Variants in MYO1C observed in about 807,000 individuals in gnomAD.
The protein encoded by MYO1C is myosin IC, also known as unconventional myosin-Ic.
A neutral mutation model predicts 150.8 loss-of-function variants in MYO1C; 104 were observed. The ratio of observed to expected loss-of-function variants is 0.69; its 90% CI spans 0.59 to 0.81. The LOEUF (loss-of-function observed/expected upper bound fraction) is 0.81. Among genes scored for constraint, MYO1C ranks in the 30% least tolerant of loss-of-function variants. The pLI is 0.00. For synonymous variants in MYO1C, 663 were observed against 579.9 expected (o/e 1.14, Z -2.06); for missense variants, 1,504 against 1,435.0 (o/e 1.05, Z -0.78).
At position 1,471,934 on chromosome 17, in the gene MYO1C, C is replaced by A; in HGVS notation, c.1994G>T (p.Arg665Leu). 6 of 1,614,104 alleles carry A rather than the reference C, an allele frequency of 3.7e-6. No homozygotes were observed. The highest frequency in any genetic ancestry group is 5.1e-6 in the Non-Finnish European group (6 of 1,180,014). ...LRVRRAGFAYRRKYEAFLQRY... is the reference protein window; with the variant it reads ...LRVRRAGFAYLRKYEAFLQRY... ...TTGCAGGAAAGCTTCGTATTTGCGG[C>A]GATAGGCAAAGCCGGCTCTGCGCAC... Residue 665 changes from arginine (R) to leucine (L), a missense_variant, in exon 19 of 32, where the codon CGC becomes CTC. Arg to Leu is a moderately radical substitution (Grantham distance 102). Transcript: ENST00000648651.
chr17:1,492,022 CCTT>C (rs2074741258), intron 1 of MYO1C: 1 of 272,524 alleles, frequency 3.7e-6, no homozygotes, highest in Non-Finnish European at 7.3e-6. Context: ...CCCACACCGT[CCTT>C]CTGTTCTGAG....
At chr17:1,486,377 C>A (rs955617001) in intron 1 of MYO1C, among the ~76,000 whole-genome samples, 10 of 152,176 alleles carry the variant, frequency 6.6e-5, no homozygotes, top group Non-Finnish European at 1.5e-4. Context: ...GCGCGGAGTA[C>A]CCGGCCCCTC....
Position 1,478,663 on chromosome 17 carries a change from T to A in MYO1C, c.1165A>T (p.Thr389Ser), listed in dbSNP as rs756225512. 3.7e-6 allele frequency: 6 copies of A among 1,614,088 alleles called. No individual in the cohort carries two copies. The highest frequency in any genetic ancestry group is 5.1e-6 in the Non-Finnish European group (6 of 1,180,026). Reference protein sequence around the residue: ...DALAKAVYSRTFTWLVGKINR... With the variant: ...DALAKAVYSRSFTWLVGKINR... Reference sequence around the variant, plus strand: ...ATCTTCCCGACGAGCCAGGTAAAAGTGCGGCTGTACACAGCCTTGGCGAGG... The same window carrying A: ...ATCTTCCCGACGAGCCAGGTAAAAGAGCGGCTGTACACAGCCTTGGCGAGG... The change falls in exon 10 of 32, where the codon ACT becomes TCT. Residue 389 changes from threonine (T) to serine (S), a missense_variant. Coordinates refer to ENST00000648651, the MANE Select transcript of MYO1C (RefSeq NM_001080779.2). This position sits in a 1 kb window ranked among gnomAD's most constrained non-coding sequence, Gnocchi z 6.3.
chr17:1,467,951 C>G (rs1263542608), intron 28 of MYO1C, 37 bp downstream of exon 28: 1 of 1,612,790 alleles, frequency 6.2e-7, no homozygotes, highest in Non-Finnish European at 8.5e-7. Context: ...AGGGTCAGAG[C>G]AGGGCCCTCC....
Position 1,474,848 on chromosome 17 carries a change from G to C in MYO1C, c.1680C>G (p.Asp560Glu). The C allele has an allele frequency of 6.3e-7, 1 of 1,599,724 alleles. No individual in the cohort carries two copies. Among genetic ancestry groups the C allele is most frequent in the Non-Finnish European group, 8.5e-7 (1 of 1,171,784 alleles). The change falls in exon 16 of 32, where the codon GAC (aspartate) becomes GAG (glutamate). Residue 560 changes from aspartate to glutamate, a missense_variant. Asp to Glu is a conservative substitution (Grantham distance 45, BLOSUM62 2). Coordinates refer to ENST00000648651, the MANE Select transcript of MYO1C (RefSeq NM_001080779.2). ...TCCGGAAGAGAAGGTCATTGTTTTT[G>C]TCCAGAAACCCTGGGAGGGGAGAAC... ...EVTYSVTGFL[D>E]KNNDLLFRNL...
At chr17:1,469,112 T>TAGACTAGGGTAAATAGAGC in intron 25 of MYO1C, 1 of 318,824 alleles carries the variant, frequency 3.1e-6, no homozygotes, top group South Asian at 2.7e-5. Context: ...GTAAATACGG[T>TAGACTAGGGTAAATAGAGC]AGACTAGGGT....
chr17:1,483,911 G>A (rs111993019), intron 2 of MYO1C, among the ~76,000 whole-genome samples, 186 bp from the exon 3 acceptor site: 306 of 152,084 alleles, frequency 2.0e-3, no homozygotes, highest in Middle Eastern at 0.014. Flanking sequence ...GCGTGGTGGC[G>A]GGTGCCTGTA....
Position 1,465,607 on chromosome 17 carries a change from A to T in MYO1C, c.*119T>A. On this transcript the variant is annotated 3_prime_UTR_variant, in exon 32 of 32. Transcript: ENST00000648651. The stretch of plus-strand genomic sequence containing the variant: ...GGATGGGCAGGAGGTGGGAGATTGC[A>T]GGTGGGCTTCGGGGTGTCCCTGGGT... 9.5e-7 allele frequency: 1 copy of T among 1,053,784 alleles called. No individual in the cohort carries two copies. Among genetic ancestry groups the T allele is most frequent in the Non-Finnish European group, 1.3e-6 (1 of 782,480 alleles). 65.3% of individuals were successfully genotyped at this position (1,053,784 alleles called of 1,614,324 possible).
In MYO1C at chr17:1,474,937, C is replaced by CCGGTCA. The variant is rs768925345; in HGVS notation, c.1664_1669dup (p.Val555_Thr556dup). 3.7e-6 allele frequency: 6 copies of CCGGTCA among 1,601,396 alleles called. No homozygotes were observed. Among genetic ancestry groups the CCGGTCA allele is most frequent in the South Asian group, 3.3e-5 (3 of 89,700 alleles). On this transcript the variant is annotated inframe_insertion and splice_region_variant. Coordinates refer to ENST00000648651, the MANE Select transcript of MYO1C (RefSeq NM_001080779.2). ...TGGGGACACAGCCCCAGGATCCTCACCGGTCACGCTGTAGGTCACCTCCCC... is the reference window on the plus strand; with the variant it reads ...TGGGGACACAGCCCCAGGATCCTCACCGGTCACGGTCACGCTGTAGGTCACCTCCCC...
chr17:1,474,154 T>C (rs1335488665), intron 17 of MYO1C, among the ~76,000 whole-genome samples: 1 of 151,414 alleles, frequency 6.6e-6, no homozygotes, highest in Non-Finnish European at 1.5e-5. Flanking sequence ...GGGACAGGCG[T>C]GGTGGCTCAC....
At position 1,468,067 on chromosome 17, in the gene MYO1C, C is replaced by T. The variant is rs137985633; in HGVS notation, c.2817G>A (p.Gln939=). 322 of 1,613,358 alleles carry T rather than the reference C, an allele frequency of 2.0e-4. No individual in the cohort carries two copies. The highest frequency in any genetic ancestry group is 2.6e-4 in the Non-Finnish European group (304 of 1,179,978). ...DRKGYKPRSR[Q]LLLTPNAVVI... ...CGACGGCGTTGGGCGTGAGCAGCAG[C>T]TGCCGGGAGCGAGGCTTGTAGCCCT... Residue 939 remains glutamine (Q), a synonymous_variant, in exon 28 of 32, where the codon CAG becomes CAA. Coordinates refer to ENST00000648651, the MANE Select transcript of MYO1C (RefSeq NM_001080779.2).
chr17:1,485,500 C>A, intron 1 of MYO1C: 1 of 581,814 alleles, frequency 1.7e-6, no homozygotes, highest in Middle Eastern at 6.8e-4. Flanking sequence ...CCCGGCGGCT[C>A]CTCATCCGGC....
At chr17:1,480,989 A>C in intron 5 of MYO1C, 104 bp from the exon 6 acceptor site, 6 of 1,295,954 alleles carry the variant, frequency 4.6e-6, no homozygotes, top group Non-Finnish European at 5.4e-6. Context: ...CCAGACCTGG[A>C]TGCCAATTCC....
rs748880683 is a variant in MYO1C, at chr17:1,474,964, G to C, written c.1643C>G (p.Ala548Gly). Reference protein sequence around the residue: ...GRGEFRLLHYAGEVTYSVTGF... With the variant: ...GRGEFRLLHYGGEVTYSVTGF... ...GGTCACGCTGTAGGTCACCTCCCCC[G>C]CATAGTGCAGAAGGCGGAATTCCCC... The change falls in exon 15 of 32, where the codon GCG becomes GGG. Residue 548 changes from alanine to glycine, a missense_variant. By Grantham distance (60) the Ala-to-Gly change is moderately conservative. Coordinates refer to ENST00000648651, the MANE Select transcript of MYO1C (RefSeq NM_001080779.2). 1 of 1,576,000 alleles carries C rather than the reference G, an allele frequency of 6.3e-7. No homozygotes were observed. The highest frequency in any genetic ancestry group is 8.6e-7 in the Non-Finnish European group (1 of 1,160,144).
chr17:1,478,241 C>T lies in MYO1C; in HGVS notation c.1296-49G>A. ...CAGTGGCTCAGTGGGGACACAGGAC[C>T]AGGAGAGGGGAAAAGCTGGACGACG... On this transcript the variant is annotated intron_variant, in intron 11 of 31. Transcript: ENST00000648651. The surrounding 1 kb of genome is among the most constrained non-coding windows in gnomAD (Gnocchi z 6.3). The T allele has an allele frequency of 1.9e-6, 3 of 1,588,576 alleles. No individual in the cohort carries two copies. Among genetic ancestry groups the T allele is most frequent in the Non-Finnish European group, 2.6e-6 (3 of 1,158,174 alleles).
chr17:1,479,800 G>C lies in MYO1C; in HGVS notation c.907-95C>G. 4 of 834,148 alleles carry C rather than the reference G, an allele frequency of 4.8e-6. No individual in the cohort carries two copies. The highest frequency in any genetic ancestry group is 3.0e-4 in the Middle Eastern group (1 of 3,382). The allele number at this position is 834,148 out of a possible 1,614,324, so 51.7% of individuals were successfully genotyped here. ...TGGCCATGCAGGGGTGGGTGGTGAAGTGTCGGAGAGAAGGGGCTGGAAGTG... is the reference window on the plus strand; with the variant it reads ...TGGCCATGCAGGGGTGGGTGGTGAACTGTCGGAGAGAAGGGGCTGGAAGTG... On this transcript the variant is annotated intron_variant, in intron 7 of 31. Coordinates refer to ENST00000648651, the MANE Select transcript of MYO1C (RefSeq NM_001080779.2). The surrounding 1 kb of genome is among the most constrained non-coding windows in gnomAD (Gnocchi z 4.2).
chr17:1,483,060 C>A lies in MYO1C; in HGVS notation c.348-1G>T. 1.2e-6 allele frequency: 2 copies of A among 1,600,884 alleles called. No individual in the cohort carries two copies. The highest frequency in any genetic ancestry group is 1.1e-5 in the South Asian group (1 of 89,352). Reference sequence around the variant, plus strand: ...GTACACAGTGTCCGCCACGGCAAACCTGGGGCGGAGGCTCGTCAGGGAGTT... The same window carrying A: ...GTACACAGTGTCCGCCACGGCAAACATGGGGCGGAGGCTCGTCAGGGAGTT... On this transcript the variant is annotated splice_acceptor_variant, in intron 3 of 31. Transcript: ENST00000648651. LOFTEE classifies it high-confidence loss of function.
At chr17:1,472,318 C>T (rs1488548741) in intron 17 of MYO1C, 90 bp from the exon 18 acceptor site, 11 of 1,116,294 alleles carry the variant, frequency 9.9e-6, no homozygotes, top group African/African-American at 4.6e-5. Context: ...TGGCTGGTGA[C>T]GCGCGCAGCA....
Position 1,483,904 on chromosome 17 carries a change from T to C in MYO1C, c.232-179A>G, listed in dbSNP as rs45570939. Among the ~76,000 whole-genome samples the C allele has an allele frequency of 0.048, 7,318 of 151,924 alleles. 212 individuals carry two copies. The highest frequency in any genetic ancestry group is 0.071 in the Non-Finnish European group (4,837 of 67,930). ...CTAAAAATACAAAATTAGCCGGGCG[T>C]GGTGGCGGGTGCCTGTAATCCCAGC... On this transcript the variant is annotated intron_variant, in intron 2 of 31. Transcript: ENST00000648651.
Sources: allele counts gnomAD v4.1 joint callset (sites outside exome capture counted in the v4.1 genomes callset), GRCh38; gene constraint gnomAD v4.1.1; non-coding constraint Gnocchi (gnomAD v3.1); transcripts MANE v1.5; gene names NCBI Gene and HGNC (gene_info 2026-07-23, HGNC 2026-07-21).